Variants in RTCA observed in about 807,000 individuals in gnomAD.
RTCA encodes RNA 3'-terminal phosphate cyclase, also known as RNA terminal phosphate cyclase domain 1.
In RTCA, 37 loss-of-function variants were observed where a neutral mutation model predicts 46.1. The ratio of observed to expected loss-of-function variants is 0.80; its 90% CI spans 0.62 to 1.06. The LOEUF (loss-of-function observed/expected upper bound fraction) is 1.06. Ranked by LOEUF, RTCA falls within the 50% of genes least tolerant of loss-of-function variation. The probability of loss-of-function intolerance (pLI) is 0.00; values close to 1 mark genes in which losing one functional copy is unlikely to be tolerated. For missense variants in RTCA, 435 were observed against 455.5 expected (o/e 0.95, Z 0.41); for synonymous variants, 164 against 158.3 (o/e 1.04, Z -0.27).
chr1:100,273,065 C>T (rs1050193610), intron 4 of RTCA, among the ~76,000 whole-genome samples: 2 of 152,086 alleles, frequency 1.3e-5, no homozygotes, highest in Non-Finnish European at 2.9e-5. Flanking sequence ...CACCAATACC[C>T]CCTCATTTCT....
rs1045435169 is a variant in RTCA at position 100,285,084 on chromosome 1, A to G, written c.800-144A>G. On this transcript the variant is annotated intron_variant, in intron 8 of 10. Transcript: ENST00000370128. ...AGAATATTAAATAACTAAAGATCTTATTCTAAAAGGTGCATTGAGTGGGTT... is the reference window on the plus strand; with the variant it reads ...AGAATATTAAATAACTAAAGATCTTGTTCTAAAAGGTGCATTGAGTGGGTT... 30 of 600,944 alleles carry G rather than the reference A, an allele frequency of 5.0e-5. No individual in the cohort carries two copies. In the East Asian group the frequency reaches 8.1e-4, roughly 16 times the overall value. 37.2% of individuals were successfully genotyped at this position (600,944 alleles called of 1,614,324 possible).
intron 9 of RTCA, among the ~76,000 whole-genome samples, chr1:100,286,476 A>C (rs12739732): frequency 6.7e-6 from 1 of 148,710 alleles, no homozygotes; most frequent in Non-Finnish European, 1.5e-5. Context: ...AAAAAAAAAA[A>C]CGAAAAACAA....
At position 100,274,932 on chromosome 1, in the gene RTCA, A is replaced by T. The variant is rs780598635; in HGVS notation, c.582A>T (p.Gly194=). Residue 194 remains glycine, a synonymous_variant, in exon 6 of 11, where the codon GGA becomes GGT. Coordinates refer to ENST00000370128, the MANE Select transcript of RTCA (RefSeq NM_003729.4). ...GTGGCTGTGTGACTAAGATATATGG[A>T]AGAGCTTTCGTTGCTGGTGTTTTGC... ...TERGCVTKIY[G]RAFVAGVLPF... is the part of the protein sequence containing the mutation. The T allele has an allele frequency of 6.2e-7, 1 of 1,611,496 alleles. No individual in the cohort carries two copies. The highest frequency in any genetic ancestry group is 1.7e-5 in the Admixed American group (1 of 59,968).
intron 8 of RTCA, among the ~76,000 whole-genome samples, chr1:100,278,710 G>T (rs1344265279): frequency 1.3e-5 from 2 of 152,210 alleles, no homozygotes; most frequent in Non-Finnish European, 2.9e-5. Context: ...TGCTCAGTTG[G>T]TAAATCTAGA....
chr1:100,272,853 A>G (rs879585187), intron 4 of RTCA, among the ~76,000 whole-genome samples: 9 of 152,246 alleles, frequency 5.9e-5, no homozygotes, highest in Admixed American at 3.3e-4. Flanking sequence ...TTATCATTAT[A>G]TAAGATATAT....
Position 100,266,253 on chromosome 1 carries a change from C to G in RTCA, c.-123C>G. 1 of 1,092,228 alleles carries G rather than the reference C, an allele frequency of 9.2e-7. No individual in the cohort carries two copies. The highest frequency in any genetic ancestry group is 3.3e-5 in the Admixed American group (1 of 30,098). 67.7% of individuals were successfully genotyped at this position (1,092,228 alleles called of 1,614,324 possible). ...GGCGCCGCTTCTTCCGCTTTCTCGT[C>G]AGGCTCCTGCGCCCCAGGCATGAAC... is the stretch of plus-strand genomic sequence containing the variant. On this transcript the variant is annotated 5_prime_UTR_variant, in exon 1 of 11. Transcript: ENST00000370128.
At chr1:100,266,453 CCTAA>C (rs760012116) in intron 1 of RTCA, 33 bp downstream of exon 1, 17 of 1,608,114 alleles carry the variant, frequency 1.1e-5, no homozygotes, top group Middle Eastern at 1.6e-4. Context: ...GGGGCTGCAG[CCTAA>C]CTAAGGAGGG....
At chr1:100,287,443 A>G (rs1439216565) in intron 10 of RTCA, among the ~76,000 whole-genome samples, 1 of 152,176 alleles carries the variant, frequency 6.6e-6, no homozygotes, top group Non-Finnish European at 1.5e-5. Context: ...AGATTCATTA[A>G]ATTGTTCAAG....
chr1:100,276,328 T>TA (rs1476666092), intron 7 of RTCA, among the ~76,000 whole-genome samples: 1 of 152,192 alleles, frequency 6.6e-6, no homozygotes, highest in Non-Finnish European at 1.5e-5. Context: ...TCCAGTTGCA[T>TA]AAAATACGTC....
At chr1:100,279,858 C>T (rs1410231759) in intron 8 of RTCA, among the ~76,000 whole-genome samples, 1 of 152,066 alleles carries the variant, frequency 6.6e-6, no homozygotes, top group African/African-American at 2.4e-5. Flanking sequence ...AGAGAGATGA[C>T]AACAGAAATA....
intron 8 of RTCA, among the ~76,000 whole-genome samples, chr1:100,278,428 G>A (rs1557977137): frequency 6.6e-6 from 1 of 152,194 alleles, no homozygotes; most frequent in Non-Finnish European, 1.5e-5. Flanking sequence ...ACTTCTAGTT[G>A]TTTGCGTGGT....
chr1:100,274,694 G>A, intron 5 of RTCA, 130 bp from the exon 6 acceptor site: 2 of 1,023,796 alleles, frequency 2.0e-6, no homozygotes, highest in Non-Finnish European at 2.7e-6. Flanking sequence ...ACAAAATACA[G>A]ACCTAAAATA....
intron 8 of RTCA, among the ~76,000 whole-genome samples, chr1:100,280,430 A>G (rs1412580480): frequency 1.3e-5 from 2 of 152,214 alleles, no homozygotes; most frequent in East Asian, 3.8e-4. Flanking sequence ...GTTTTTGGAT[A>G]AAACACTTGT....
chr1:100,280,967 C>G (rs1308868947), intron 8 of RTCA, among the ~76,000 whole-genome samples: 1 of 152,142 alleles, frequency 6.6e-6, no homozygotes, highest in Admixed American at 6.5e-5. Context: ...TGAGATCACA[C>G]CACTGCACTC....
chr1:100,267,032 T>A, intron 2 of RTCA: 1 of 229,058 alleles, frequency 4.4e-6, no homozygotes, highest in Non-Finnish European at 8.6e-6. Flanking sequence ...TTTAGAATCA[T>A]AAAACAGGAA....
At chr1:100,284,695 A>G (rs935394270) in intron 8 of RTCA, among the ~76,000 whole-genome samples, 1 of 152,088 alleles carries the variant, frequency 6.6e-6, no homozygotes, top group African/African-American at 2.4e-5. Context: ...CACTGAGCCA[A>G]ATTCTTTAAT....
intron 7 of RTCA, 39 bp from the exon 8 acceptor site, chr1:100,277,218 AT>A: frequency 1.3e-6 from 2 of 1,574,946 alleles, no homozygotes; most frequent in Non-Finnish European, 8.7e-7. Context: ...AATTTGGAAC[AT>A]TTATAGCAAA....
At chr1:100,284,228 G>A (rs1007132982) in intron 8 of RTCA, among the ~76,000 whole-genome samples, 2 of 151,984 alleles carry the variant, frequency 1.3e-5, no homozygotes, top group Non-Finnish European at 2.9e-5. Context: ...AATATGTATG[G>A]AGAGATAGGG....
At chr1:100,282,040 T>G (rs543985248) in intron 8 of RTCA, among the ~76,000 whole-genome samples, 1 of 152,338 alleles carries the variant, frequency 6.6e-6, no homozygotes, top group Admixed American at 6.5e-5. Context: ...AACAAGTCCT[T>G]GAGACCTTTG....
Sources: allele counts gnomAD v4.1 joint callset (sites outside exome capture counted in the v4.1 genomes callset), GRCh38; gene constraint gnomAD v4.1.1; transcripts MANE v1.5; gene names NCBI Gene and HGNC (gene_info 2026-07-23, HGNC 2026-07-21).